The following BTK variants were observed in gnomAD, a reference collection of about 807,000 sequenced individuals.
The protein encoded by BTK is Bruton tyrosine kinase, also known as tyrosine-protein kinase BTK.
Under a neutral mutation model 57.4 loss-of-function variants are expected in BTK, and 5 were observed. The ratio of observed to expected loss-of-function variants is 0.09; its 90% CI spans 0.05 to 0.18. The LOEUF (loss-of-function observed/expected upper bound fraction) is 0.18. Among genes scored for constraint, BTK ranks in the 10% least tolerant of loss-of-function variants. BTK has a pLI of 1.00. For missense variants in BTK, 194 were observed against 501.2 expected (o/e 0.39, Z 5.85); for synonymous variants, 154 against 174.3 (o/e 0.88, Z 0.92).
chrX:101,374,732 T>C, intron 2 of BTK, 98 bp from the exon 3 acceptor site: 1 of 756,109 alleles, frequency 1.3e-6, no homozygotes. Context: ...CAAAGTGAGG[T>C]GGCACCAGGA....
At chrX:101,377,613 T>TA (rs1271658815) in intron 1 of BTK, among the ~76,000 whole-genome samples, 1 of 111,287 alleles carries the variant, frequency 9.0e-6, no homozygotes, top group Non-Finnish European at 1.9e-5. Context: ...TTACTTCCTA[T>TA]AAGACAGGTC....
At chrX:101,363,306 G>A (rs1926729399) in intron 5 of BTK, among the ~76,000 whole-genome samples, 1 of 112,086 alleles carries the variant, frequency 8.9e-6, no homozygotes, top group African/African-American at 3.2e-5. Flanking sequence ...ATGGAGTTGT[G>A]AGGCCCAAAA....
chrX:101,357,117 T>C (rs1926510123), intron 13 of BTK, among the ~76,000 whole-genome samples, 162 bp from the exon 14 acceptor site: 1 of 111,892 alleles, frequency 8.9e-6, no homozygotes, highest in Non-Finnish European at 1.9e-5. Flanking sequence ...ACGGGATTCA[T>C]TGGTTAGAGG....
At chrX:101,378,531 A>T (rs1339371889) in intron 1 of BTK, among the ~76,000 whole-genome samples, 1 of 22,296 alleles carries the variant, frequency 4.5e-5, no homozygotes, top group East Asian at 2.3e-3. Context: ...ACATACAGAC[A>T]CACACACACA....
intron 12 of BTK, chrX:101,358,058 T>C (rs1177464970): frequency 5.6e-5 from 27 of 482,516 alleles, no homozygotes; most frequent in East Asian, 4.1e-5. Context: ...TACTTGCTGA[T>C]GAATCAGTCA....
At chrX:101,358,547 C>T in intron 11 of BTK, 70 bp downstream of exon 11, 4 of 1,171,010 alleles carry the variant, frequency 3.4e-6, no homozygotes, top group Non-Finnish European at 4.7e-6. Context: ...GGGACGGGCA[C>T]AGCATCAAGG....
Position 101,355,642 on chromosome X carries a change from A to AT in BTK, c.1566+409dup, listed in dbSNP as rs1319381368. The AT allele has an allele frequency of 3.1e-4, 48 of 152,876 alleles. No individual in the cohort carries two copies. In the East Asian group the frequency reaches 6.9e-3, roughly 22 times the overall value. The allele number at this position is 152,876 out of a possible 1,213,427, so 12.6% of individuals were successfully genotyped here. A position where few individuals can be genotyped will look rare whatever the true frequency, so the allele number is the denominator to read the frequency against. ...AAGGGTTTGCTAATTATTATATAAC[A>AT]TAAAAAAAACCCACACATGTGGGCC... On this transcript the variant is annotated intron_variant, in intron 15 of 18. Coordinates refer to ENST00000308731, the MANE Select transcript of BTK (RefSeq NM_000061.3).
At chrX:101,367,872 C>T (rs1926911993) in intron 5 of BTK, among the ~76,000 whole-genome samples, 1 of 111,167 alleles carries the variant, frequency 9.0e-6, no homozygotes, top group Non-Finnish European at 1.9e-5. Context: ...TTGTTTATTC[C>T]CACAGATAAA....
intron 3 of BTK, among the ~76,000 whole-genome samples, chrX:101,373,007 C>T (rs781811793): frequency 4.6e-5 from 5 of 108,221 alleles, no homozygotes; most frequent in South Asian, 8.4e-4. Context: ...TCACTTGAAC[C>T]GGAGGCAGAG....
intron 15 of BTK, chrX:101,355,571 T>C: frequency 1.6e-5 from 2 of 122,438 alleles, no homozygotes; most frequent in Non-Finnish European, 3.4e-5. Flanking sequence ...CAAGAGAAGC[T>C]GGAAATTCCA....
At chrX:101,383,740 C>T (rs1216274147) in intron 1 of BTK, among the ~76,000 whole-genome samples, 1 of 111,630 alleles carries the variant, frequency 9.0e-6, no homozygotes, top group Non-Finnish European at 1.9e-5. Context: ...ATCCTAAAGA[C>T]ATCTTGTGAG....
In BTK at chrX:101,374,705, G is replaced by T. The variant is rs782134127; in HGVS notation, c.142-71C>A. On this transcript the variant is annotated intron_variant, in intron 2 of 18. Coordinates refer to ENST00000308731, the MANE Select transcript of BTK (RefSeq NM_000061.3). ...TTAAGCAACCAGATGATTAGATTTT[G>T]TTATCTAATCATTCAACAAAGTGAG... The T allele has an allele frequency of 5.8e-5, 53 of 912,039 alleles. No homozygotes were observed. The South Asian group carries it at 8.9e-4, about 15-fold the overall frequency. The allele number at this position is 912,039 out of a possible 1,213,427, so 75.2% of individuals were successfully genotyped here.
intron 3 of BTK, among the ~76,000 whole-genome samples, chrX:101,374,031 C>T (rs921038339): frequency 3.8e-5 from 4 of 106,377 alleles, no homozygotes; most frequent in South Asian, 4.1e-4. Context: ...GGCAACAGAG[C>T]GAGACTCTGT....
intron 4 of BTK, among the ~76,000 whole-genome samples, chrX:101,371,265 T>C (rs1222165743): frequency 8.9e-6 from 1 of 111,978 alleles, no homozygotes; most frequent in Non-Finnish European, 1.9e-5. Flanking sequence ...ACTCCCCTTT[T>C]CTATCTTTTC....
intron 5 of BTK, among the ~76,000 whole-genome samples, chrX:101,369,330 T>G (rs1456687837): frequency 8.9e-6 from 1 of 112,375 alleles, no homozygotes; most frequent in African/African-American, 3.2e-5. Flanking sequence ...ATTACCATTA[T>G]TCTCCTTTGA....
At position 101,381,900 on chromosome X, in the gene BTK, C is replaced by T. The variant is rs185395895; in HGVS notation, c.-31+4162G>A. On this transcript the variant is annotated intron_variant, in intron 1 of 18. Coordinates refer to ENST00000308731, the MANE Select transcript of BTK (RefSeq NM_000061.3). Reference sequence around the variant, plus strand: ...TACAAAAATTAGCCTGGCGTGGTGGCGCGCACCTGTAATCCCAGTTACTCA... The same window carrying T: ...TACAAAAATTAGCCTGGCGTGGTGGTGCGCACCTGTAATCCCAGTTACTCA... Among the ~76,000 whole-genome samples the T allele has an allele frequency of 9.9e-4, 108 of 108,707 alleles. No homozygotes were observed. The Middle Eastern group carries it at 0.014, about 14-fold the overall frequency. The allele number at this position is 108,707 out of a possible 115,157, so 94.4% of individuals were successfully genotyped here.
intron 5 of BTK, 37 bp from the exon 6 acceptor site, chrX:101,362,726 TGGA>T: frequency 8.3e-7 from 1 of 1,210,591 alleles, no homozygotes; most frequent in African/African-American, 1.7e-5. Context: ...ACATCTGACA[TGGA>T]GGAGAAGCCA....
intron 10 of BTK, 34 bp from the exon 11 acceptor site, chrX:101,358,730 GAAGTGGTGCTCAC>G (rs1262793754): frequency 8.9e-7 from 1 of 1,122,874 alleles, no homozygotes; most frequent in Non-Finnish European, 1.2e-6. Context: ...TCTGTAGGAG[GAAGTGGTGCTCAC>G]ACCTGCATCC....
In BTK at chrX:101,380,558, T is replaced by C. The variant is rs782648447; in HGVS notation, c.-30-5244A>G. Among the ~76,000 whole-genome samples, 5 of 111,710 alleles carry C rather than the reference T, an allele frequency of 4.5e-5. No homozygotes were observed. In the South Asian group the frequency reaches 1.9e-3, roughly 42 times the overall value. ...GTTAAGAAGTGAGATACAATCTATA[T>C]AATCAAGACCCCTTTATGTACTCCA... On this transcript the variant is annotated intron_variant, in intron 1 of 18. Coordinates refer to ENST00000308731, the MANE Select transcript of BTK (RefSeq NM_000061.3).
Sources: allele counts gnomAD v4.1 joint callset (sites outside exome capture counted in the v4.1 genomes callset), GRCh38; gene constraint gnomAD v4.1.1; transcripts MANE v1.5; gene names NCBI Gene and HGNC (gene_info 2026-07-23, HGNC 2026-07-21).